Variants in COL4A5 observed in about 807,000 individuals in gnomAD.
COL4A5 encodes collagen alpha-5(IV) chain.
Under a neutral mutation model 130.2 loss-of-function variants are expected in COL4A5, and 26 were observed. The ratio of observed to expected loss-of-function variants is 0.20; its 90% CI spans 0.15 to 0.28. The LOEUF (loss-of-function observed/expected upper bound fraction) is 0.28. Ranked by LOEUF, COL4A5 falls within the 10% of genes least tolerant of loss-of-function variation. COL4A5 has a pLI of 1.00. For synonymous variants in COL4A5, 496 were observed against 439.6 expected, an observed-to-expected ratio of 1.13 and a Z score of -1.60; for missense variants, 1,131 against 1,344.3, an observed-to-expected ratio of 0.84 and a Z score of 2.48.
At chrX:108,693,023 G>T in intron 50 of COL4A5, 98 bp downstream of exon 50, 2 of 963,638 alleles carry the variant, frequency 2.1e-6, no homozygotes, top group Non-Finnish European at 3.0e-6. Context: ...TTCCTCCTAG[G>T]TTAGGTAGAA....
At chrX:108,517,168 T>C (rs896954664) in intron 1 of COL4A5, among the ~76,000 whole-genome samples, 42 of 111,802 alleles carry the variant, frequency 3.8e-4, no homozygotes, top group African/African-American at 1.3e-3. Context: ...ATAATATAAC[T>C]TGAGAATGTA....
At chrX:108,487,476 T>A (rs900566023) in intron 1 of COL4A5, among the ~76,000 whole-genome samples, 4 of 111,035 alleles carry the variant, frequency 3.6e-5, no homozygotes, top group African/African-American at 6.6e-5. Flanking sequence ...TATTTTTTTT[T>A]AATTATGGCC....
intron 27 of COL4A5, among the ~76,000 whole-genome samples, 154 bp downstream of exon 27, chrX:108,602,143 G>A (rs2066645127): frequency 1.8e-5 from 2 of 112,418 alleles, no homozygotes; most frequent in African/African-American, 6.5e-5. Context: ...TATTTTCACT[G>A]TAAGTTCATT....
Position 108,626,161 on chromosome X carries a change from C to T in COL4A5, c.3107-49C>T, listed in dbSNP as rs1280311876. ...TGTCATATGCATCTTAGATAATCCACAAGTAAAGCATATTTTGTAAAATAT... is the reference window on the plus strand; with the variant it reads ...TGTCATATGCATCTTAGATAATCCATAAGTAAAGCATATTTTGTAAAATAT... On this transcript the variant is annotated intron_variant, in intron 35 of 52. Coordinates refer to ENST00000328300, the MANE Select transcript of COL4A5 (RefSeq NM_033380.3). The T allele has an allele frequency of 2.6e-6, 3 of 1,155,052 alleles. No individual in the cohort carries two copies. The African/African-American group carries it at 5.4e-5, about 21-fold the overall frequency.
At chrX:108,638,946 T>A (rs2067405337) in intron 36 of COL4A5, among the ~76,000 whole-genome samples, 1 of 111,457 alleles carries the variant, frequency 9.0e-6, no homozygotes, top group South Asian at 3.7e-4. Context: ...AAATGGAAGA[T>A]TTAATACTGT....
At chrX:108,502,294 G>GTTTT in intron 1 of COL4A5, among the ~76,000 whole-genome samples, 1 of 104,030 alleles carries the variant, frequency 9.6e-6, no homozygotes, top group Non-Finnish European at 2.0e-5. Context: ...GTTTTGTTTT[G>GTTTT]TTTTTTTGGA....
intron 43 of COL4A5, 99 bp downstream of exon 43, chrX:108,674,852 T>C (rs2068276560): frequency 2.4e-6 from 2 of 840,451 alleles, no homozygotes; most frequent in East Asian, 6.5e-5. Flanking sequence ...TCAGAAGTCA[T>C]TGGAGAGTGC....
chrX:108,653,120 A>AAGCT (rs958748900), intron 36 of COL4A5, among the ~76,000 whole-genome samples: 28 of 111,764 alleles, frequency 2.5e-4, no homozygotes, highest in African/African-American at 9.1e-4. Context: ...AGGCTAGATA[A>AAGCT]AGCTTAAGCT....
chrX:108,603,179 A>G (rs2066668282), intron 28 of COL4A5, 118 bp downstream of exon 28: 3 of 444,991 alleles, frequency 6.7e-6, no homozygotes, highest in East Asian at 7.8e-5. Context: ...CTATAAATAT[A>G]CAGATAACTT....
intron 32 of COL4A5, 70 bp downstream of exon 32, chrX:108,621,962 A>G (rs761767151): frequency 1.9e-5 from 15 of 790,909 alleles, no homozygotes; most frequent in Non-Finnish European, 2.9e-5. Flanking sequence ...GTCAGTACAG[A>G]ATATTTTTGT....
chrX:108,683,135 C>G (rs1196252771), intron 47 of COL4A5, among the ~76,000 whole-genome samples: 1 of 111,468 alleles, frequency 9.0e-6, no homozygotes, highest in Non-Finnish European at 1.9e-5. Flanking sequence ...TTCCCAACAC[C>G]ATTTGAATAT....
At chrX:108,489,052 A>T (rs760390103) in intron 1 of COL4A5, among the ~76,000 whole-genome samples, 1 of 112,016 alleles carries the variant, frequency 8.9e-6, no homozygotes, top group African/African-American at 3.2e-5. Flanking sequence ...TAATTTTTTC[A>T]TATTCCAAGA....
intron 1 of COL4A5, among the ~76,000 whole-genome samples, chrX:108,480,156 G>A (rs976190588): frequency 8.9e-6 from 1 of 111,895 alleles, no homozygotes; most frequent in Non-Finnish European, 1.9e-5. Flanking sequence ...AAATGGGCCT[G>A]AGTAACTCAC....
chrX:108,481,439 A>AG (rs1485810904), intron 1 of COL4A5, among the ~76,000 whole-genome samples: 2 of 111,271 alleles, frequency 1.8e-5, no homozygotes, highest in Admixed American at 9.5e-5. Context: ...AAATTGATGG[A>AG]GGGGTTGCGA....
At chrX:108,544,152 A>G (rs925321506) in intron 2 of COL4A5, among the ~76,000 whole-genome samples, 13 of 111,808 alleles carry the variant, frequency 1.2e-4, no homozygotes, top group African/African-American at 4.2e-4. Context: ...TATGTTGAAT[A>G]GGAGTGGTGA....
chrX:108,654,196 C>T (rs1603306507), intron 36 of COL4A5, among the ~76,000 whole-genome samples: 1 of 112,487 alleles, frequency 8.9e-6, no homozygotes, highest in African/African-American at 3.2e-5. Flanking sequence ...TTGGGAAAAA[C>T]TTGTTTTAAT....
chrX:108,561,356 C>A (rs2065895859), intron 3 of COL4A5, among the ~76,000 whole-genome samples: 1 of 111,512 alleles, frequency 9.0e-6, no homozygotes, highest in Non-Finnish European at 1.9e-5. Flanking sequence ...GCTCATGGAT[C>A]TGGAGGTAGT....
chrX:108,470,102 A>G (rs979498152), intron 1 of COL4A5, among the ~76,000 whole-genome samples: 3 of 112,181 alleles, frequency 2.7e-5, no homozygotes, highest in Non-Finnish European at 5.6e-5. Context: ...ACAAAGACAT[A>G]TATGAAAGTG....
At chrX:108,592,558 C>T (rs112666288) in intron 21 of COL4A5, among the ~76,000 whole-genome samples, 127 of 111,018 alleles carry the variant, frequency 1.1e-3, no homozygotes, top group African/African-American at 3.7e-3. Flanking sequence ...ATACTCCAAT[C>T]AAGATTTCAT....
Sources: allele counts gnomAD v4.1 joint callset (sites outside exome capture counted in the v4.1 genomes callset), GRCh38; gene constraint gnomAD v4.1.1; transcripts MANE v1.5; gene names NCBI Gene and HGNC (gene_info 2026-07-23, HGNC 2026-07-21).